The following RAB38 variants were observed in gnomAD, a reference collection of about 807,000 sequenced individuals.
The protein encoded by RAB38 is RAB38, member RAS oncogene family.
Under a neutral mutation model 18.4 loss-of-function variants are expected in RAB38, and 15 were observed. The observed-to-expected ratio is 0.82, with a 90% CI of 0.55 to 1.26. The LOEUF is 1.26. Ranked by LOEUF, RAB38 falls within the 50% of genes most tolerant of loss-of-function variation. The probability of loss-of-function intolerance (pLI) is 0.00; values close to 1 mark genes in which losing one functional copy is unlikely to be tolerated. For synonymous variants in RAB38, 101 were observed against 104.4 expected (o/e 0.97, Z 0.20); for missense variants, 294 against 267.4 (o/e 1.10, Z -0.69).
At chr11:88,104,778 T>C in the RAB38 span, among the ~76,000 whole-genome samples, 10 of 152,194 alleles carry the variant, frequency 6.6e-5, no homozygotes. Context: ...TAATTCTTTT[T>C]GTGGTTAGGG....
At chr11:88,094,472 A>G in the RAB38 span, among the ~76,000 whole-genome samples, 41 of 151,882 alleles carry the variant, frequency 2.7e-4, no homozygotes, top group African/African-American at 9.7e-4. Context: ...TCTGTAAACA[A>G]TCCTTTGATC....
chr11:88,052,935 T>TATC, the RAB38 span, among the ~76,000 whole-genome samples: 1,474 of 85,786 alleles, frequency 0.017, 172 homozygotes, highest in African/African-American at 0.068. Context: ...TATATATATA[T>TATC]ATATATATAA....
At chr11:88,083,219 G>A in the RAB38 span, among the ~76,000 whole-genome samples, 1 of 151,644 alleles carries the variant, frequency 6.6e-6, no homozygotes, top group African/African-American at 2.4e-5. Context: ...CTCATCCTAA[G>A]CTCTCTTTAT....
At chr11:87,866,197 CAGAT>C in the RAB38 span, among the ~76,000 whole-genome samples, 1 of 151,534 alleles carries the variant, frequency 6.6e-6, no homozygotes, top group South Asian at 2.1e-4. Context: ...GGTGGGAAGA[CAGAT>C]AGAGAATAAA....
intron 2 of RAB38, among the ~76,000 whole-genome samples, chr11:88,147,119 C>T (rs1022432420): frequency 2.0e-5 from 3 of 152,182 alleles, no homozygotes; most frequent in Non-Finnish European, 4.4e-5. Flanking sequence ...TAGGCCTCTT[C>T]CTTTCTTTTT....
chr11:88,036,879 C>T, the RAB38 span, among the ~76,000 whole-genome samples: 2 of 151,834 alleles, frequency 1.3e-5, no homozygotes, highest in African/African-American at 2.4e-5. Context: ...TCCTTGACAC[C>T]TTGTTGGCAG....
chr11:87,933,699 C>T, the RAB38 span, among the ~76,000 whole-genome samples: 1 of 148,804 alleles, frequency 6.7e-6, no homozygotes. Context: ...TTTCAGTTTG[C>T]ATGGAGCCAA....
the RAB38 span, among the ~76,000 whole-genome samples, chr11:87,900,945 T>C: frequency 5.9e-5 from 9 of 151,598 alleles, no homozygotes; most frequent in Admixed American, 5.9e-4. Context: ...TTTTTTAATA[T>C]ATATGTTTAT....
the RAB38 span, among the ~76,000 whole-genome samples, chr11:88,026,403 A>G: frequency 1.3e-3 from 192 of 151,774 alleles, no homozygotes; most frequent in African/African-American, 4.5e-3. Context: ...CTCCACTAAA[A>G]AAACAAAAAA....
At chr11:88,018,373 C>T in the RAB38 span, among the ~76,000 whole-genome samples, 39,313 of 151,952 alleles carry the variant, frequency 0.26, 6,071 homozygotes, top group Non-Finnish European at 0.35. Context: ...CTACTGAATT[C>T]CCCCCACTAC....
At chr11:87,844,906 CAT>C in the RAB38 span, among the ~76,000 whole-genome samples, 2 of 152,152 alleles carry the variant, frequency 1.3e-5, no homozygotes, top group East Asian at 1.9e-4. Context: ...CTGAGACACA[CAT>C]GTGTGGGCAC....
At chr11:87,923,528 A>G in the RAB38 span, among the ~76,000 whole-genome samples, 3 of 149,918 alleles carry the variant, frequency 2.0e-5, no homozygotes, top group Non-Finnish European at 4.4e-5. Context: ...TCTTGCTCCA[A>G]TGTAAGAGTC....
At chr11:87,835,747 A>G in the RAB38 span, among the ~76,000 whole-genome samples, 3 of 152,162 alleles carry the variant, frequency 2.0e-5, no homozygotes, top group Non-Finnish European at 4.4e-5. Context: ...CTCAGAAGGA[A>G]CCAAAACCTC....
At chr11:87,803,723 C>T in the RAB38 span, among the ~76,000 whole-genome samples, 3 of 152,170 alleles carry the variant, frequency 2.0e-5, no homozygotes, top group Non-Finnish European at 4.4e-5. Flanking sequence ...CATTCACAGA[C>T]CTGTGAAACT....
the RAB38 span, among the ~76,000 whole-genome samples, chr11:87,932,740 A>G: frequency 5.9e-5 from 9 of 152,048 alleles, no homozygotes; most frequent in South Asian, 1.9e-3. Context: ...AGCTGCAGCT[A>G]GTTGTCCAGT....
At chr11:87,897,157 C>T in the RAB38 span, among the ~76,000 whole-genome samples, 1 of 150,066 alleles carries the variant, frequency 6.7e-6, no homozygotes, top group African/African-American at 2.4e-5. Flanking sequence ...TCAGATTTAA[C>T]CCCCCCCAAA....
At chr11:88,119,889 T>C (rs1591154579) in intron 2 of RAB38, among the ~76,000 whole-genome samples, 1 of 152,118 alleles carries the variant, frequency 6.6e-6, no homozygotes, top group African/African-American at 2.4e-5. Context: ...ACAAAAAGTA[T>C]TACACAAAAC....
the RAB38 span, among the ~76,000 whole-genome samples, chr11:88,004,348 A>T: frequency 6.6e-6 from 1 of 151,154 alleles, no homozygotes; most frequent in Non-Finnish European, 1.5e-5. Flanking sequence ...GAAATCAATC[A>T]GTGTAATTTA....
the RAB38 span, among the ~76,000 whole-genome samples, chr11:87,957,858 C>G: frequency 6.6e-6 from 1 of 152,040 alleles, no homozygotes; most frequent in African/African-American, 2.4e-5. Flanking sequence ...AATCTCCTTC[C>G]TAACGAAATA....
Sources: allele counts gnomAD v4.1 joint callset (sites outside exome capture counted in the v4.1 genomes callset), GRCh38; gene constraint gnomAD v4.1.1; transcripts MANE v1.5; gene names NCBI Gene and HGNC (gene_info 2026-07-23, HGNC 2026-07-21).